Variants in SMOX observed in about 807,000 individuals in gnomAD.
SMOX encodes the protein flavin containing amine oxidase.
SMOX carries 22 observed loss-of-function variants against 51.0 expected under a neutral mutation model. The ratio of observed to expected loss-of-function variants is 0.43; its 90% CI spans 0.31 to 0.62. The LOEUF (loss-of-function observed/expected upper bound fraction) is 0.62, where lower values mean the gene tolerates loss of function less well. Ranked by LOEUF, SMOX falls within the 20% of genes least tolerant of loss-of-function variation. SMOX has a pLI of 0.10. For missense variants in SMOX, 566 were observed against 777.7 expected (o/e 0.73, Z 3.24); for synonymous variants, 282 against 307.8 (o/e 0.92, Z 0.88).
At chr20:4,175,343 A>G (rs556846472) in intron 2 of SMOX, 80 bp downstream of exon 2, 1 of 1,466,440 alleles carries the variant, frequency 6.8e-7, no homozygotes, top group Admixed American at 1.9e-5. Context: ...CTGAAATCTC[A>G]TTATTTTAAC....
In SMOX at chr20:4,181,010, C is replaced by T. The variant is rs1979278853; in HGVS notation, c.436-793C>T. 6.6e-6 allele frequency among the ~76,000 whole-genome samples: 1 copy of T among 152,190 alleles called. No homozygotes were observed. Among genetic ancestry groups the T allele is most frequent in the African/African-American group, 2.4e-5 (1 of 41,432 alleles). On this transcript the variant is annotated intron_variant, in intron 3 of 6. Transcript: ENST00000305958. The surrounding 1 kb of genome is among the most constrained non-coding windows in gnomAD (Gnocchi z 5.6). The stretch of plus-strand genomic sequence containing the variant: ...GGACTGGCTTACTTCCTTCAGGGAG[C>T]TCTGCCCAGTGCTTAGTGGGGACTG...
chr20:4,157,892 T>C (rs966740824), intron 1 of SMOX, among the ~76,000 whole-genome samples: 3 of 151,994 alleles, frequency 2.0e-5, no homozygotes, highest in African/African-American at 7.2e-5. Context: ...AGATGGGCTG[T>C]GGTATTTTTT....
chr20:4,171,067 T>C (rs1335526787), intron 1 of SMOX, among the ~76,000 whole-genome samples: 1 of 152,230 alleles, frequency 6.6e-6, no homozygotes, highest in Non-Finnish European at 1.5e-5. Context: ...CCCGCCCTCC[T>C]CCTCTTCCCT....
At chr20:4,174,689 T>G (rs539218426) in intron 1 of SMOX, among the ~76,000 whole-genome samples, 2 of 152,090 alleles carry the variant, frequency 1.3e-5, no homozygotes, top group South Asian at 4.1e-4. Context: ...GCCTAACAAG[T>G]TTGGGGGTGG....
In SMOX at chr20:4,187,300, A is replaced by C. The variant is rs1600831604; in HGVS notation, c.1561A>C (p.Thr521Pro). 1 of 1,614,046 alleles carries C rather than the reference A, an allele frequency of 6.2e-7. No homozygotes were observed. Among genetic ancestry groups the C allele is most frequent in the South Asian group, 1.1e-5 (1 of 91,066 alleles). ...GCAGGTGCTGTTTTCCGGTGAGGCCACCCACCGCAAGTACTATTCCACCAC... is the reference window on the plus strand; with the variant it reads ...GCAGGTGCTGTTTTCCGGTGAGGCCCCCCACCGCAAGTACTATTCCACCAC... ...PMQVLFSGEA[T>P]HRKYYSTTHG... is the part of the protein sequence containing the mutation. The change falls in exon 7 of 7, where the codon ACC (threonine) becomes CCC (proline). Residue 521 changes from threonine to proline, a missense_variant. By Grantham distance (38) the Thr-to-Pro change is conservative (BLOSUM62 -1). Coordinates refer to ENST00000305958, the MANE Select transcript of SMOX (RefSeq NM_175839.3). This position sits in a 1 kb window ranked among gnomAD's most constrained non-coding sequence, Gnocchi z 4.8.
intron 1 of SMOX, among the ~76,000 whole-genome samples, chr20:4,157,991 C>T (rs1177136383): frequency 1.3e-5 from 2 of 151,974 alleles, no homozygotes; most frequent in African/African-American, 4.8e-5. Context: ...ACCTCCGCCT[C>T]CCGGGTTCAC....
rs1986783654 is a variant in SMOX, at chr20:4,170,629, C to T, written c.-26-4401C>T. 6.6e-6 allele frequency among the ~76,000 whole-genome samples: 1 copy of T among 152,170 alleles called. No individual in the cohort carries two copies. The highest frequency in any genetic ancestry group is 2.1e-4 in the South Asian group (1 of 4,832). ...TGGGATGAAGAAGTGGCAGTTCACA[C>T]AAACTTTGGTGGCTCGTGCCCACTC... On this transcript the variant is annotated intron_variant, in intron 1 of 6. Transcript: ENST00000305958. The surrounding 1 kb of genome is among the most constrained non-coding windows in gnomAD (Gnocchi z 4.6).
In SMOX at chr20:4,167,474, C is replaced by T. The variant is rs1231467719; in HGVS notation, c.-26-7556C>T. On this transcript the variant is annotated intron_variant, in intron 1 of 6. Transcript: ENST00000305958. The surrounding 1 kb of genome is among the most constrained non-coding windows in gnomAD (Gnocchi z 4.8). Reference sequence around the variant, plus strand: ...GTCGGCTGTACCTATCCCCATTTTACGGATGGGAAAGCTTGAAGACCAAAG... The same window carrying T: ...GTCGGCTGTACCTATCCCCATTTTATGGATGGGAAAGCTTGAAGACCAAAG... 3.3e-5 allele frequency among the ~76,000 whole-genome samples: 5 copies of T among 152,222 alleles called. No individual in the cohort carries two copies. The highest frequency in any genetic ancestry group is 2.1e-4 in the South Asian group (1 of 4,818).
At chr20:4,171,429 A>C (rs56953648) in intron 1 of SMOX, among the ~76,000 whole-genome samples, 4,668 of 152,230 alleles carry the variant, frequency 0.031, 240 homozygotes, top group African/African-American at 0.11. Flanking sequence ...CAGTTGGACC[A>C]CAGGGTGTGC....
intron 1 of SMOX, among the ~76,000 whole-genome samples, chr20:4,168,947 T>TTATG (rs1600810086): frequency 1.8e-4 from 20 of 114,258 alleles, no homozygotes; most frequent in South Asian, 8.7e-4. Flanking sequence ...TTTATTTTAT[T>TTATG]TTATGTTATT....
At chr20:4,158,191 C>T (rs1278223148) in intron 1 of SMOX, among the ~76,000 whole-genome samples, 5 of 152,164 alleles carry the variant, frequency 3.3e-5, no homozygotes, top group Non-Finnish European at 7.3e-5. Context: ...TGAGCCACAG[C>T]GCCGGTCGGG....
chr20:4,182,853 G>GCCACGTGCC lies in SMOX; in HGVS notation c.1369+11_1369+19dup. The stretch of plus-strand genomic sequence containing the variant: ...AGATGCTGCGTCAGTTCACAGGTGC[G>GCCACGTGCC]CCACGTGCCCCACGACCCGCTTCCC... On this transcript the variant is annotated splice_donor_region_variant and intron_variant, in intron 5 of 6. Transcript: ENST00000305958. This position sits in a 1 kb window ranked among gnomAD's most constrained non-coding sequence, Gnocchi z 8.4. 10 of 1,598,348 alleles carry GCCACGTGCC rather than the reference G, an allele frequency of 6.3e-6. No homozygotes were observed. Among genetic ancestry groups the GCCACGTGCC allele is most frequent in the Middle Eastern group, 1.7e-4 (1 of 5,912 alleles).
intron 1 of SMOX, among the ~76,000 whole-genome samples, chr20:4,155,086 C>T (rs575390316): frequency 1.3e-5 from 2 of 152,146 alleles, no homozygotes; most frequent in East Asian, 1.9e-4. Flanking sequence ...GCAGACAGCA[C>T]GGAGGGCACC....
chr20:4,162,905 C>T (rs765919478), intron 1 of SMOX, among the ~76,000 whole-genome samples: 6 of 152,098 alleles, frequency 3.9e-5, no homozygotes, highest in Admixed American at 1.3e-4. Context: ...GAGAGAAAGA[C>T]GGGGAGGATG....
rs368893599 is a variant in SMOX, at chr20:4,181,058, C to T, written c.436-745C>T. The stretch of plus-strand genomic sequence containing the variant: ...CTGTATATGAGACAGGCACGAGGGT[C>T]GGGCGGGCAGTCAGACCCCTTTTCA... On this transcript the variant is annotated intron_variant, in intron 3 of 6. Transcript: ENST00000305958. The surrounding 1 kb of genome is among the most constrained non-coding windows in gnomAD (Gnocchi z 5.6). Among the ~76,000 whole-genome samples the T allele has an allele frequency of 3.3e-5, 5 of 152,190 alleles. No individual in the cohort carries two copies. The highest frequency in any genetic ancestry group is 7.3e-5 in the Non-Finnish European group (5 of 68,040).
rs978749610 is a variant in SMOX, at chr20:4,183,736, G to T, written c.1530+82G>T. On this transcript the variant is annotated intron_variant, in intron 6 of 6. Transcript: ENST00000305958. The surrounding 1 kb of genome is among the most constrained non-coding windows in gnomAD (Gnocchi z 4.3). ...CCGGTCCAGGGTGAGGAGGGCTAGGGTAGTGTTCACTAAGGGGTGCTCAGG... is the reference window on the plus strand; with the variant it reads ...CCGGTCCAGGGTGAGGAGGGCTAGGTTAGTGTTCACTAAGGGGTGCTCAGG... 20 of 1,469,498 alleles carry T rather than the reference G, an allele frequency of 1.4e-5. No individual in the cohort carries two copies. Among genetic ancestry groups the T allele is most frequent in the Non-Finnish European group, 1.3e-5 (15 of 1,116,048 alleles). 91.0% of individuals were successfully genotyped at this position (1,469,498 alleles called of 1,614,324 possible). A position where few individuals can be genotyped will look rare whatever the true frequency, so the allele number is the denominator to read the frequency against.
Position 4,183,778 on chromosome 20 carries a change from T to G in SMOX, c.1530+124T>G. On this transcript the variant is annotated intron_variant, in intron 6 of 6. Transcript: ENST00000305958. The surrounding 1 kb of genome is among the most constrained non-coding windows in gnomAD (Gnocchi z 4.3). ...GTGCTCAGGTGAGGCAGGGATGGAG[T>G]AGCTTCTGTAATGAGAGAGAACACA... The G allele has an allele frequency of 9.0e-7, 1 of 1,111,506 alleles. No homozygotes were observed. The highest frequency in any genetic ancestry group is 1.2e-6 in the Non-Finnish European group (1 of 826,524). 68.9% of individuals were successfully genotyped at this position (1,111,506 alleles called of 1,614,324 possible). A position where few individuals can be genotyped will look rare whatever the true frequency, so the allele number is the denominator to read the frequency against.
rs1488603338 is a variant in SMOX at position 4,182,132 on chromosome 20, C to T, written c.653C>T (p.Ser218Phe). The T allele has an allele frequency of 6.2e-7, 1 of 1,608,580 alleles. No homozygotes were observed. The highest frequency in any genetic ancestry group is 1.1e-5 in the South Asian group (1 of 90,466). ...AGCTCACACAGCATGGACGAGGTGT[C>T]CCTGAGCGCCTTCGGGGAGTGGACC... ...ESSSHSMDEV[S>F]LSAFGEWTEI... Residue 218 changes from serine (S) to phenylalanine (F), a missense_variant, in exon 5 of 7, where the codon TCC becomes TTC. Physicochemically the swap from Ser to Phe is radical, Grantham distance 155. This residue lies in a region of SMOX where 347 missense variants were observed against 481.8 expected (regional missense o/e 0.72). Coordinates refer to ENST00000305958, the MANE Select transcript of SMOX (RefSeq NM_175839.3). The surrounding 1 kb of genome is among the most constrained non-coding windows in gnomAD (Gnocchi z 8.4).
chr20:4,176,355 T>C (rs1490373914), intron 2 of SMOX, among the ~76,000 whole-genome samples: 1 of 152,102 alleles, frequency 6.6e-6, no homozygotes, highest in Non-Finnish European at 1.5e-5. Flanking sequence ...TTGTCCCTTT[T>C]CCCCAGCACA....
Sources: allele counts gnomAD v4.1 joint callset (sites outside exome capture counted in the v4.1 genomes callset), GRCh38; gene constraint gnomAD v4.1.1; regional missense constraint gnomAD v4.1.1; non-coding constraint Gnocchi (gnomAD v3.1); transcripts MANE v1.5; gene names NCBI Gene and HGNC (gene_info 2026-07-23, HGNC 2026-07-21).